TNFSF4: variants seen among roughly 807,000 people sequenced by gnomAD.
TNFSF4 encodes TNF superfamily member 4.
In TNFSF4, 4 loss-of-function variants were observed where a neutral mutation model predicts 7.3. The ratio of observed to expected loss-of-function variants is 0.55; its 90% CI spans 0.27 to 1.25. The LOEUF is 1.25. Among genes scored for constraint, TNFSF4 ranks in the 50% most tolerant of loss-of-function variants. TNFSF4 has a pLI of 0.12. For missense variants in TNFSF4, 181 were observed against 208.8 expected, an observed-to-expected ratio of 0.87 and a Z score of 0.82; for synonymous variants, 76 against 83.7, an observed-to-expected ratio of 0.91 and a Z score of 0.50.
the TNFSF4 span, among the ~76,000 whole-genome samples, chr1:173,394,120 T>C: frequency 6.6e-6 from 1 of 151,166 alleles, no homozygotes; most frequent in Non-Finnish European, 1.5e-5. Context: ...CAGTGGTGCA[T>C]GCCTGTAGTC....
At chr1:173,323,863 G>C in the TNFSF4 span, among the ~76,000 whole-genome samples, 1 of 152,216 alleles carries the variant, frequency 6.6e-6, no homozygotes, top group East Asian at 1.9e-4. Context: ...GGGACTATGT[G>C]AAAAGACCAA....
the TNFSF4 span, chr1:173,175,004 C>T: frequency 6.6e-6 from 1 of 152,196 alleles, no homozygotes; most frequent in African/African-American, 2.4e-5. Flanking sequence ...TTTAGAGTCT[C>T]TTACGTCTTT....
chr1:173,319,181 GT>G, the TNFSF4 span, among the ~76,000 whole-genome samples: 1 of 152,170 alleles, frequency 6.6e-6, no homozygotes, highest in Non-Finnish European at 1.5e-5. Flanking sequence ...CCATTACTGA[GT>G]TTTAGTAGGT....
At position 173,207,017 on chromosome 1, in the gene TNFSF4, A is replaced by G. The variant is rs771597804; in HGVS notation, c.153+7T>C. 12 of 1,604,442 alleles carry G rather than the reference A, an allele frequency of 7.5e-6. No homozygotes were observed. The highest frequency in any genetic ancestry group is 1.0e-5 in the Non-Finnish European group (12 of 1,173,784). ...GTGGGAAAACAGCGCCCAGTGGTGC[A>G]TCTTACCTGAAGAGCAGAGAAGTGC... On this transcript the variant is annotated splice_region_variant and intron_variant, in intron 1 of 2. Transcript: ENST00000281834.
the TNFSF4 span, among the ~76,000 whole-genome samples, chr1:173,248,420 A>G: frequency 6.6e-6 from 1 of 150,848 alleles, no homozygotes; most frequent in Non-Finnish European, 1.5e-5. Flanking sequence ...AGAAAGAAGG[A>G]AAGAGGGAGA....
the TNFSF4 span, among the ~76,000 whole-genome samples, chr1:173,377,696 C>A: frequency 6.6e-6 from 1 of 152,202 alleles, no homozygotes; most frequent in South Asian, 2.1e-4. Context: ...CTATTCCCTT[C>A]TTTAGGCACC....
At chr1:173,439,026 G>A in the TNFSF4 span, among the ~76,000 whole-genome samples, 2 of 152,194 alleles carry the variant, frequency 1.3e-5, no homozygotes, top group African/African-American at 4.8e-5. Flanking sequence ...CAAGCTGAGT[G>A]AGTGACAAGC....
At chr1:173,248,491 G>GGAAGGAAAGAAAGAAAGAAA in the TNFSF4 span, among the ~76,000 whole-genome samples, 2 of 136,104 alleles carry the variant, frequency 1.5e-5, no homozygotes, top group Non-Finnish European at 3.2e-5. Context: ...AAGGAAGGAA[G>GGAAGGAAAGAAAGAAAGAAA]GAAAGAAAGA....
At chr1:173,406,332 C>T in the TNFSF4 span, among the ~76,000 whole-genome samples, 30 of 152,192 alleles carry the variant, frequency 2.0e-4, no homozygotes, top group African/African-American at 7.0e-4. Flanking sequence ...TCTTGTCTGC[C>T]ATAGGAAAAA....
At chr1:173,291,107 G>A in the TNFSF4 span, among the ~76,000 whole-genome samples, 1 of 152,144 alleles carries the variant, frequency 6.6e-6, no homozygotes, top group African/African-American at 2.4e-5. Flanking sequence ...GGATATACAG[G>A]AAGCACAATG....
chr1:173,360,161 C>A, the TNFSF4 span, among the ~76,000 whole-genome samples: 3 of 152,370 alleles, frequency 2.0e-5, no homozygotes, highest in Admixed American at 1.3e-4. Flanking sequence ...GGAGAGAGAA[C>A]TATATCCATC....
At chr1:173,289,961 A>G in the TNFSF4 span, among the ~76,000 whole-genome samples, 1 of 145,904 alleles carries the variant, frequency 6.9e-6, no homozygotes, top group Non-Finnish European at 1.5e-5. Context: ...AAAAAAAAAA[A>G]TCTGAAGAAA....
chr1:173,446,802 C>G, the TNFSF4 span, among the ~76,000 whole-genome samples: 1 of 152,238 alleles, frequency 6.6e-6, no homozygotes, highest in Non-Finnish European at 1.5e-5. Context: ...TTGCCAAGGG[C>G]TCTCAGACCT....
chr1:173,397,052 A>G, the TNFSF4 span, among the ~76,000 whole-genome samples: 1 of 152,240 alleles, frequency 6.6e-6, no homozygotes, highest in East Asian at 1.9e-4. Context: ...CATGGACAGC[A>G]GAGTCACAGC....
the TNFSF4 span, among the ~76,000 whole-genome samples, chr1:173,216,555 G>C: frequency 5.3e-5 from 8 of 152,094 alleles, no homozygotes; most frequent in Non-Finnish European, 1.2e-4. Context: ...CAAATGAATG[G>C]TTCCTTATGA....
At chr1:173,286,730 A>G in the TNFSF4 span, among the ~76,000 whole-genome samples, 1 of 152,184 alleles carries the variant, frequency 6.6e-6, no homozygotes, top group Non-Finnish European at 1.5e-5. Context: ...ACCATAAAAA[A>G]AGATTAATAT....
the TNFSF4 span, among the ~76,000 whole-genome samples, chr1:173,395,419 T>TATATATA: frequency 8.6e-6 from 1 of 116,884 alleles, no homozygotes; most frequent in Non-Finnish European, 1.8e-5. Flanking sequence ...TATATATATA[T>TATATATA]GGAGAGAGAG....
chr1:173,243,451 C>T, the TNFSF4 span, among the ~76,000 whole-genome samples: 1 of 152,214 alleles, frequency 6.6e-6, no homozygotes, highest in East Asian at 1.9e-4. Flanking sequence ...TCCTCACTCA[C>T]CACCCTGTGA....
chr1:173,431,246 T>G, the TNFSF4 span, among the ~76,000 whole-genome samples: 1 of 152,330 alleles, frequency 6.6e-6, no homozygotes, highest in South Asian at 2.1e-4. Flanking sequence ...TTTGAGAAAA[T>G]TTGTCGGTTT....
Sources: allele counts gnomAD v4.1 joint callset (sites outside exome capture counted in the v4.1 genomes callset), GRCh38; gene constraint gnomAD v4.1.1; transcripts MANE v1.5; gene names NCBI Gene and HGNC (gene_info 2026-07-23, HGNC 2026-07-21).